Variants in GPC6 observed in about 807,000 individuals in gnomAD.
GPC6 encodes glypican 6.
A neutral mutation model predicts 55.2 loss-of-function variants in GPC6; 14 were observed. The observed-to-expected ratio is 0.25, with a 90% confidence interval of 0.17 to 0.40. The LOEUF is 0.40. GPC6 is among the 10% of genes least tolerant of loss of function. The probability of loss-of-function intolerance (pLI) is 1.00; values close to 1 mark genes in which losing one functional copy is unlikely to be tolerated. For synonymous variants in GPC6, 278 were observed against 259.6 expected (o/e 1.07, Z -0.68); for missense variants, 641 against 708.5 (o/e 0.90, Z 1.08).
At chr13:94,084,440 T>G (rs1482941999) in intron 4 of GPC6, among the ~76,000 whole-genome samples, 1 of 152,198 alleles carries the variant, frequency 6.6e-6, no homozygotes, top group East Asian at 1.9e-4. Flanking sequence ...TGATTCATGA[T>G]AGAAATCAAT....
intron 1 of GPC6, among the ~76,000 whole-genome samples, chr13:93,458,850 GT>G (rs928505185): frequency 2.4e-4 from 36 of 152,216 alleles, no homozygotes; most frequent in African/African-American, 8.7e-4. Flanking sequence ...TCACAGCGGA[GT>G]TGTTGCACAG....
chr13:93,363,579 A>G (rs918605984), intron 1 of GPC6, among the ~76,000 whole-genome samples: 3 of 151,660 alleles, frequency 2.0e-5, no homozygotes, highest in East Asian at 1.9e-4. Flanking sequence ...ATTGTGAATA[A>G]TGCCGCAATA....
chr13:94,400,791 T>C (rs1015478781), intron 8 of GPC6, among the ~76,000 whole-genome samples: 7 of 152,222 alleles, frequency 4.6e-5, no homozygotes, highest in African/African-American at 1.2e-4. Flanking sequence ...TTGGAAATCA[T>C]TGAGCAAGTG....
chr13:94,368,991 A>G (rs1223440595), intron 6 of GPC6, among the ~76,000 whole-genome samples: 5 of 152,244 alleles, frequency 3.3e-5, no homozygotes, highest in Non-Finnish European at 5.9e-5. Context: ...TCCCTGAGCA[A>G]AAACCAGCCT....
At chr13:93,487,048 C>T (rs1026136844) in intron 1 of GPC6, among the ~76,000 whole-genome samples, 4 of 151,998 alleles carry the variant, frequency 2.6e-5, no homozygotes, top group African/African-American at 4.8e-5. Context: ...ATAATATACA[C>T]ACACTTACAG....
intron 1 of GPC6, among the ~76,000 whole-genome samples, chr13:93,499,117 A>T (rs1300683856): frequency 6.6e-6 from 1 of 151,952 alleles, no homozygotes; most frequent in African/African-American, 2.4e-5. Flanking sequence ...ACACACACAC[A>T]CAGAAACACA....
chr13:94,208,477 G>A (rs1594058599), intron 4 of GPC6, among the ~76,000 whole-genome samples: 1 of 152,054 alleles, frequency 6.6e-6, no homozygotes, highest in East Asian at 1.9e-4. Context: ...GATATTTGAT[G>A]TACGTCTTTA....
At chr13:94,376,571 C>T (rs1156867293) in intron 6 of GPC6, among the ~76,000 whole-genome samples, 2 of 150,334 alleles carry the variant, frequency 1.3e-5, no homozygotes, top group Admixed American at 6.6e-5. Context: ...AATGGAAGAA[C>T]ATTCCATGCT....
At chr13:94,074,982 G>A (rs2138787729) in intron 4 of GPC6, among the ~76,000 whole-genome samples, 1 of 152,104 alleles carries the variant, frequency 6.6e-6, no homozygotes, top group South Asian at 2.1e-4. Context: ...TAAAGTGGCT[G>A]GCCTATCAGA....
At chr13:94,169,605 G>A (rs1436306562) in intron 4 of GPC6, among the ~76,000 whole-genome samples, 1 of 151,000 alleles carries the variant, frequency 6.6e-6, no homozygotes, top group African/African-American at 2.4e-5. Flanking sequence ...GCATAGAGAT[G>A]TGACTGACTC....
chr13:93,873,910 C>A (rs77895934), intron 3 of GPC6, among the ~76,000 whole-genome samples: 5,776 of 151,922 alleles, frequency 0.038, 344 homozygotes, highest in African/African-American at 0.13. Flanking sequence ...CAGAATCTAT[C>A]CCCAATGTGA....
intron 1 of GPC6, among the ~76,000 whole-genome samples, chr13:93,406,120 A>G (rs77181434): frequency 0.056 from 8,584 of 152,210 alleles, 355 homozygotes; most frequent in Non-Finnish European, 0.083. Flanking sequence ...CCCAAATTCA[A>G]TGTTTGGTGA....
chr13:93,340,071 G>C (rs1453257915), intron 1 of GPC6, among the ~76,000 whole-genome samples: 1 of 121,208 alleles, frequency 8.3e-6, no homozygotes, highest in Admixed American at 1.2e-4. Context: ...AGTCTTGCTC[G>C]GTCACCCAGG....
intron 5 of GPC6, among the ~76,000 whole-genome samples, chr13:94,289,059 C>T (rs1194532599): frequency 6.7e-6 from 1 of 150,006 alleles, no homozygotes; most frequent in Non-Finnish European, 1.5e-5. Flanking sequence ...GACTGGGATC[C>T]CAGCTGTGTA....
At chr13:93,305,056 G>A (rs996551629) in intron 1 of GPC6, among the ~76,000 whole-genome samples, 20 of 152,116 alleles carry the variant, frequency 1.3e-4, no homozygotes, top group African/African-American at 4.8e-4. Context: ...GCTGGAGCAG[G>A]TGATGGTATC....
At chr13:94,111,683 C>T (rs920575439) in intron 4 of GPC6, among the ~76,000 whole-genome samples, 1 of 151,936 alleles carries the variant, frequency 6.6e-6, no homozygotes, top group Non-Finnish European at 1.5e-5. Flanking sequence ...ATCATTATAG[C>T]ACTTCTGACA....
At chr13:93,763,578 G>A (rs1394117214) in intron 2 of GPC6, among the ~76,000 whole-genome samples, 1 of 152,158 alleles carries the variant, frequency 6.6e-6, no homozygotes, top group Non-Finnish European at 1.5e-5. Flanking sequence ...TGTGATACAA[G>A]TTTCAAATAT....
intron 2 of GPC6, among the ~76,000 whole-genome samples, chr13:93,632,583 T>A (rs1192554159): frequency 1.8e-5 from 1 of 55,998 alleles, no homozygotes; most frequent in Non-Finnish European, 6.7e-5. Context: ...AGCCAAACCA[T>A]GTCTCAAATA....
chr13:94,347,366 A>C (rs965880503), intron 6 of GPC6, among the ~76,000 whole-genome samples: 1 of 152,172 alleles, frequency 6.6e-6, no homozygotes, highest in African/African-American at 2.4e-5. Flanking sequence ...AAATGAAACA[A>C]CTGTCCTGAA....
Sources: allele counts gnomAD v4.1 joint callset (sites outside exome capture counted in the v4.1 genomes callset), GRCh38; gene constraint gnomAD v4.1.1; transcripts MANE v1.5; gene names NCBI Gene and HGNC (gene_info 2026-07-23, HGNC 2026-07-21).